Variants in TNRC6C observed in about 807,000 individuals in gnomAD.
TNRC6C encodes trinucleotide repeat containing adaptor 6C.
A neutral mutation model predicts 153.7 loss-of-function variants in TNRC6C; 20 were observed. The observed-to-expected ratio is 0.13, with a 90% CI of 0.09 to 0.19. The LOEUF is 0.19. Among genes scored for constraint, TNRC6C ranks in the 10% least tolerant of loss-of-function variants. TNRC6C has a pLI of 1.00. For missense variants in TNRC6C, 1,987 were observed against 2,172.0 expected (o/e 0.91, Z 1.69); for synonymous variants, 811 against 841.4 (o/e 0.96, Z 0.63).
At chr17:78,096,931 TAA>T (rs1300660859) in intron 16 of TNRC6C, among the ~76,000 whole-genome samples, 1 of 152,242 alleles carries the variant, frequency 6.6e-6, no homozygotes, top group South Asian at 2.1e-4. Context: ...CCATTTATCC[TAA>T]GTCTCCCTTT....
At position 78,049,480 on chromosome 17, in the gene TNRC6C, C is replaced by A. The variant is rs751742398; in HGVS notation, c.418C>A (p.Gln140Lys). The change falls in exon 3 of 20, where the codon CAG becomes AAG. Residue 140 changes from glutamine (Q) to lysine (K), a missense_variant. Physicochemically the swap from Gln to Lys is moderately conservative, Grantham distance 53. Transcript: ENST00000301624. The surrounding 1 kb of genome is among the most constrained non-coding windows in gnomAD (Gnocchi z 4.1). ...TGCCATAGGTCAAAATATGGGCAAC[C>A]AGAACGGGAACCCAACAGGCACTTT... 6.2e-7 allele frequency: 1 copy of A among 1,614,016 alleles called. No individual in the cohort carries two copies. The highest frequency in any genetic ancestry group is 8.5e-7 in the Non-Finnish European group (1 of 1,179,894).
Position 78,031,564 on chromosome 17 carries a change from C to T in TNRC6C, c.-497C>T, listed in dbSNP as rs34068829. 4.7e-3 allele frequency: 5,769 copies of T among 1,232,252 alleles called. 34 individuals are homozygous for T. Among genetic ancestry groups the T allele is most frequent in the Non-Finnish European group, 4.5e-3 (4,427 of 988,006 alleles). 76.3% of individuals were successfully genotyped at this position (1,232,252 alleles called of 1,614,324 possible). A position where few individuals can be genotyped will look rare whatever the true frequency, so the allele number is the denominator to read the frequency against. On this transcript the variant is annotated 5_prime_UTR_variant, in exon 2 of 20. Coordinates refer to ENST00000301624, the Ensembl canonical transcript of TNRC6C. ...TCAAGCCAGCCCCAACCTGCCGGTA[C>T]CAGTACCAGTACTTCCACCAGCACT... is the stretch of plus-strand genomic sequence containing the variant.
At chr17:77,985,828 G>C (rs1261056162) in intron 1 of TNRC6C, among the ~76,000 whole-genome samples, 1 of 152,140 alleles carries the variant, frequency 6.6e-6, no homozygotes, top group Non-Finnish European at 1.5e-5. Context: ...GAAGGTATGT[G>C]TATCCCAGGG....
At chr17:77,961,402 T>A (rs1206092131) in intron 1 of TNRC6C, among the ~76,000 whole-genome samples, 1 of 152,198 alleles carries the variant, frequency 6.6e-6, no homozygotes, top group Non-Finnish European at 1.5e-5. Flanking sequence ...GTGATCCGCC[T>A]GTCTCGGCCT....
intron 6 of TNRC6C, 59 bp downstream of exon 8, chr17:78,071,224 T>C (rs916939730): frequency 1.7e-5 from 25 of 1,493,314 alleles, no homozygotes; most frequent in Non-Finnish European, 2.1e-5. Flanking sequence ...AATGCCCTCA[T>C]TGTTTCCTCT....
intron 1 of TNRC6C, among the ~76,000 whole-genome samples, chr17:77,977,390 A>G (rs1166773506): frequency 6.6e-6 from 1 of 152,194 alleles, no homozygotes; most frequent in Non-Finnish European, 1.5e-5. Flanking sequence ...CATTTCCACT[A>G]GTATCTTTGC....
chr17:77,999,073 C>G (rs1480710261), intron 1 of TNRC6C, among the ~76,000 whole-genome samples: 1 of 152,206 alleles, frequency 6.6e-6, no homozygotes, highest in Non-Finnish European at 1.5e-5. Flanking sequence ...GTTCAGATCT[C>G]ACAGCCTTTG....
chr17:78,067,811 G>A (rs776665025), exon 5 of TNRC6C: 2 of 1,613,968 alleles, frequency 1.2e-6, no homozygotes, highest in South Asian at 2.2e-5. Flanking sequence ...ATGAACCTCA[G>A]TACCAGCCAG....
At position 78,096,488 on chromosome 17, in the gene TNRC6C, C is replaced by G. The variant is rs191746874; in HGVS notation, c.4307-1855C>G. On this transcript the variant is annotated intron_variant, in intron 16 of 19. Coordinates refer to ENST00000301624, the Ensembl canonical transcript of TNRC6C. ...TGTTAACTTGCCTCAGCTCTGGTGC[C>G]CTCATTCTAAAGAGGTCCCTTGCAG... Among the ~76,000 whole-genome samples, 222 of 152,326 alleles carry G rather than the reference C, an allele frequency of 1.5e-3. 1 individual carries two copies. The highest frequency in any genetic ancestry group is 4.5e-3 in the African/African-American group (187 of 41,576).
At chr17:77,991,070 C>A (rs952742115) in intron 1 of TNRC6C, among the ~76,000 whole-genome samples, 1 of 152,138 alleles carries the variant, frequency 6.6e-6, no homozygotes, top group South Asian at 2.1e-4. Context: ...TATTTTATAA[C>A]AAATTCATTC....
At chr17:78,070,962 A>G (rs772566002) in intron 5 of TNRC6C, 123 bp from the exon 8 acceptor site, 11 of 923,254 alleles carry the variant, frequency 1.2e-5, no homozygotes, top group Non-Finnish European at 1.7e-5. Context: ...GCATTATTCA[A>G]TGTTAATACA....
chr17:78,062,642 T>C (rs1420805462), intron 3 of TNRC6C, among the ~76,000 whole-genome samples: 2 of 152,120 alleles, frequency 1.3e-5, no homozygotes, highest in African/African-American at 4.8e-5. Flanking sequence ...AAGCAAAAGA[T>C]TAGAATTTGA....
chr17:78,050,069 C>T (rs747453364), exon 3 of TNRC6C: 2 of 1,610,566 alleles, frequency 1.2e-6, no homozygotes, highest in Non-Finnish European at 1.7e-6. Context: ...CGAAGCACCT[C>T]TAACGGTGTG....
At position 78,049,375 on chromosome 17, in the gene TNRC6C, A is replaced by G; in HGVS notation, c.313A>G (p.Asn105Asp). Residue 105 changes from asparagine to aspartate, a missense_variant, in exon 3 of 20, where the codon AAC (asparagine) becomes GAC (aspartate). Transcript: ENST00000301624. This position sits in a 1 kb window ranked among gnomAD's most constrained non-coding sequence, Gnocchi z 4.1. ...TAATCTTAACCTTAATCCTAATGCCAACCCAGCTGCCTGGCCTGTACTTGG... is the reference window on the plus strand; with the variant it reads ...TAATCTTAACCTTAATCCTAATGCCGACCCAGCTGCCTGGCCTGTACTTGG... The G allele has an allele frequency of 1.2e-6, 2 of 1,614,046 alleles. No individual in the cohort carries two copies. The highest frequency in any genetic ancestry group is 1.7e-6 in the Non-Finnish European group (2 of 1,179,896).
rs182656947 is a variant in TNRC6C at position 78,054,977 on chromosome 17, C to T, written c.2395+3520C>T. Among the ~76,000 whole-genome samples, 199 of 151,940 alleles carry T rather than the reference C, an allele frequency of 1.3e-3. 3 individuals carry two copies. In the East Asian group the frequency reaches 0.035, roughly 27 times the overall value. On this transcript the variant is annotated intron_variant, in intron 3 of 19. Coordinates refer to ENST00000301624, the Ensembl canonical transcript of TNRC6C. ...CCATACACCACTGCGGACTACTGTA[C>T]GCTACCATACACCACTGCGGACTAC...
chr17:78,057,886 A>G (rs754652867), intron 3 of TNRC6C, among the ~76,000 whole-genome samples: 5 of 152,038 alleles, frequency 3.3e-5, no homozygotes, highest in Non-Finnish European at 5.9e-5. Flanking sequence ...TTTTTGTCCT[A>G]TGCTTGTTGA....
rs369166531 is a variant in TNRC6C, at chr17:78,038,604, G to A, written c.-219+6762G>A. On this transcript the variant is annotated intron_variant, in intron 2 of 19. Transcript: ENST00000301624. ...TGAGGCAGGAGAATGCCGTGAACCC[G>A]GGAGGCGGAGCTTGCAGTGAGCTGA... Among the ~76,000 whole-genome samples, 123 of 151,540 alleles carry A rather than the reference G, an allele frequency of 8.1e-4. 3 individuals carry two copies. Among genetic ancestry groups the A allele is most frequent in the African/African-American group, 1.6e-3 (66 of 41,270 alleles).
At chr17:78,103,804 G>A (rs2144674977) in intron 19 of TNRC6C, among the ~76,000 whole-genome samples, 1 of 152,278 alleles carries the variant, frequency 6.6e-6, no homozygotes, top group East Asian at 1.9e-4. Flanking sequence ...TCGTCTCTTT[G>A]TGCATGTCTG....
intron 13 of TNRC6C, among the ~76,000 whole-genome samples, chr17:78,089,648 C>T (rs1237823345): frequency 2.0e-5 from 3 of 152,040 alleles, no homozygotes; most frequent in Non-Finnish European, 4.4e-5. Flanking sequence ...ATAGGAAGAG[C>T]AGGCATATAA....
Sources: allele counts gnomAD v4.1 joint callset (sites outside exome capture counted in the v4.1 genomes callset), GRCh38; gene constraint gnomAD v4.1.1; non-coding constraint Gnocchi (gnomAD v3.1); transcripts MANE v1.5; gene names NCBI Gene and HGNC (gene_info 2026-07-23, HGNC 2026-07-21).